Variants in DLGAP2 observed in about 807,000 individuals in gnomAD.
The protein encoded by DLGAP2 is DLG associated protein 2, also known as disks large-associated protein 2.
A neutral mutation model predicts 100.3 loss-of-function variants in DLGAP2; 26 were observed. The observed-to-expected ratio is 0.26, with a 90% CI of 0.19 to 0.36. The LOEUF is 0.36. Among genes scored for constraint, DLGAP2 ranks in the 10% least tolerant of loss-of-function variants. The probability of loss-of-function intolerance (pLI) is 1.00; values close to 1 mark genes in which losing one functional copy is unlikely to be tolerated. For synonymous variants in DLGAP2, 886 were observed against 630.1 expected (o/e 1.41, Z -6.08); for missense variants, 1,858 against 1,453.2 (o/e 1.28, Z -4.53).
intron 14 of DLGAP2, among the ~76,000 whole-genome samples, chr8:1,700,277 T>C (rs981102345): frequency 6.6e-6 from 1 of 152,202 alleles, no homozygotes; most frequent in Non-Finnish European, 1.5e-5. Context: ...AAACTAGATA[T>C]CTGCTTAGGA....
chr8:1,443,815 T>C (rs1449189844), intron 3 of DLGAP2, among the ~76,000 whole-genome samples: 1 of 152,158 alleles, frequency 6.6e-6, no homozygotes, highest in East Asian at 1.9e-4. Context: ...ATTATTACAA[T>C]TCAAGATGAG....
intron 3 of DLGAP2, among the ~76,000 whole-genome samples, chr8:1,324,541 T>C (rs539315680): frequency 2.6e-5 from 4 of 152,190 alleles, no homozygotes; most frequent in African/African-American, 4.8e-5. Flanking sequence ...TTGCTCAGGA[T>C]GTAAAACTGT....
At chr8:1,383,972 A>G (rs967461017) in intron 3 of DLGAP2, among the ~76,000 whole-genome samples, 1 of 152,162 alleles carries the variant, frequency 6.6e-6, no homozygotes, top group African/African-American at 2.4e-5. Flanking sequence ...CCACAAATGC[A>G]TGTCTGGGGT....
intron 1 of DLGAP2, among the ~76,000 whole-genome samples, chr8:744,867 G>A (rs1274829198): frequency 2.0e-5 from 3 of 152,238 alleles, no homozygotes; most frequent in Non-Finnish European, 4.4e-5. Flanking sequence ...CGATGCCTGA[G>A]TGAGGTCATG....
chr8:1,100,541 C>G (rs1057286181), intron 2 of DLGAP2, among the ~76,000 whole-genome samples: 1 of 152,172 alleles, frequency 6.6e-6, no homozygotes, highest in Non-Finnish European at 1.5e-5. Context: ...CGTGCCTACC[C>G]ACAGTTTCAG....
intron 1 of DLGAP2, among the ~76,000 whole-genome samples, chr8:800,207 C>T (rs7001882): frequency 1.3e-5 from 2 of 152,150 alleles, no homozygotes; most frequent in South Asian, 4.1e-4. Context: ...TCCAGGCCTG[C>T]GTGAGGACTT....
intron 10 of DLGAP2, among the ~76,000 whole-genome samples, chr8:1,670,460 C>T (rs1211879329): frequency 1.3e-5 from 2 of 152,220 alleles, no homozygotes; most frequent in Non-Finnish European, 1.5e-5. Context: ...TTTACCCCTT[C>T]CCGGAGGCCT....
chr8:1,341,465 T>C (rs1442458806), intron 3 of DLGAP2, among the ~76,000 whole-genome samples: 3 of 152,196 alleles, frequency 2.0e-5, no homozygotes, highest in South Asian at 2.1e-4. Flanking sequence ...GAAACACATA[T>C]AGGCGTATTT....
rs529926340 is a variant in DLGAP2 at position 1,382,157 on chromosome 8, T to C, written c.107-119209T>C. Reference sequence around the variant, plus strand: ...GCAATAATACAGTCACTGACACACATTGTGTTTGTTACATGTATTACATGC... The same window carrying C: ...GCAATAATACAGTCACTGACACACACTGTGTTTGTTACATGTATTACATGC... On this transcript the variant is annotated intron_variant, in intron 3 of 14. Transcript: ENST00000637795. Among the ~76,000 whole-genome samples the C allele has an allele frequency of 2.0e-5, 3 of 152,268 alleles. No individual in the cohort carries two copies. The South Asian group carries it at 6.2e-4, about 32-fold the overall frequency.
chr8:1,123,060 C>T (rs1796086764), intron 2 of DLGAP2, among the ~76,000 whole-genome samples: 1 of 152,176 alleles, frequency 6.6e-6, no homozygotes, highest in African/African-American at 2.4e-5. Flanking sequence ...ACTAAATATT[C>T]AAATGTATTT....
chr8:1,269,702 C>T (rs990629117), intron 3 of DLGAP2, among the ~76,000 whole-genome samples: 3 of 152,052 alleles, frequency 2.0e-5, no homozygotes, highest in South Asian at 2.1e-4. Context: ...TGTGCACCCC[C>T]CTCCCCCAGC....
At chr8:1,179,249 A>G (rs1379265810) in intron 2 of DLGAP2, among the ~76,000 whole-genome samples, 1 of 152,220 alleles carries the variant, frequency 6.6e-6, no homozygotes, top group Non-Finnish European at 1.5e-5. Context: ...TGAGTATTTC[A>G]GAGGCCTTAG....
chr8:922,962 G>A (rs1798745195), intron 2 of DLGAP2, among the ~76,000 whole-genome samples: 1 of 152,190 alleles, frequency 6.6e-6, no homozygotes, highest in Non-Finnish European at 1.5e-5. Context: ...GCCCAGGGCT[G>A]GGAATTGCAA....
At chr8:1,629,394 G>A (rs559167378) in intron 7 of DLGAP2, among the ~76,000 whole-genome samples, 1 of 152,324 alleles carries the variant, frequency 6.6e-6, no homozygotes. Context: ...GGGCAAATGG[G>A]AATGGTGGGT....
intron 2 of DLGAP2, among the ~76,000 whole-genome samples, chr8:1,030,200 A>C (rs1444072656): frequency 2.6e-5 from 4 of 152,240 alleles, no homozygotes; most frequent in African/African-American, 9.6e-5. Flanking sequence ...CAGACCCGAA[A>C]GCAATGAGCG....
intron 3 of DLGAP2, among the ~76,000 whole-genome samples, chr8:1,277,902 AAACGT>A (rs1799736976): frequency 6.6e-6 from 1 of 152,250 alleles, no homozygotes; most frequent in African/African-American, 2.4e-5. Flanking sequence ...CTGACAGCGG[AAACGT>A]TATCTTGAAT....
intron 2 of DLGAP2, among the ~76,000 whole-genome samples, chr8:1,099,500 C>T (rs1804508671): frequency 6.6e-6 from 1 of 152,232 alleles, no homozygotes; most frequent in Admixed American, 6.5e-5. Flanking sequence ...CAGGGAGTTT[C>T]TGGTCTGTGC....
chr8:777,568 T>G (rs1355532446), intron 1 of DLGAP2, among the ~76,000 whole-genome samples: 2 of 152,136 alleles, frequency 1.3e-5, no homozygotes, highest in Non-Finnish European at 2.9e-5. Flanking sequence ...TCTCTCAGCA[T>G]TTGCTTGTCT....
chr8:1,091,385 C>T (rs55738006), intron 2 of DLGAP2, among the ~76,000 whole-genome samples: 23,739 of 152,238 alleles, frequency 0.16, 1,904 homozygotes, highest in Admixed American at 0.21. Flanking sequence ...GCCAGTGTTT[C>T]GCGGCCTCAG....
Sources: gnomAD v4.1 joint callset for allele counts (sites outside exome capture counted in the v4.1 genomes callset) on GRCh38, gnomAD v4.1.1 for gene constraint, MANE v1.5 for transcripts, NCBI Gene and HGNC (gene_info 2026-07-23, HGNC 2026-07-21) for gene names.